Variants in BANK1 observed in about 807,000 individuals in gnomAD.
BANK1 encodes B-cell scaffold protein with ankyrin repeats.
Under a neutral mutation model 94.5 loss-of-function variants are expected in BANK1, and 95 were observed. That is an observed-to-expected ratio of 1.00 (90% CI 0.85 to 1.19). The LOEUF is 1.19. Ranked by LOEUF, BANK1 falls within the 50% of genes most tolerant of loss-of-function variation. The pLI is 0.00. For synonymous variants in BANK1, 334 were observed against 308.4 expected (o/e 1.08, Z -0.87); for missense variants, 987 against 932.2 (o/e 1.06, Z -0.77).
Position 101,934,351 on chromosome 4 carries a change from T to C in BANK1, c.1206+16162T>C, listed in dbSNP as rs139957401. On this transcript the variant is annotated intron_variant, in intron 7 of 16. Transcript: ENST00000322953. ...AGGGGCGTAGACTGAATTGTGTATG[T>C]GACCTTGACATACTAAGAAGCTACG... Among the ~76,000 whole-genome samples the C allele has an allele frequency of 3.4e-4, 51 of 151,564 alleles. No homozygotes were observed. In the East Asian group the frequency reaches 7.6e-3, roughly 23 times the overall value.
intron 7 of BANK1, among the ~76,000 whole-genome samples, chr4:102,010,949 G>C (rs1484436276): frequency 6.6e-6 from 1 of 152,098 alleles, no homozygotes; most frequent in Non-Finnish European, 1.5e-5. Flanking sequence ...AGATAACCCA[G>C]TGTTTCAATA....
intron 7 of BANK1, among the ~76,000 whole-genome samples, chr4:101,950,056 T>C (rs61167177): frequency 0.089 from 6,167 of 69,110 alleles, 165 homozygotes; most frequent in Middle Eastern, 0.13. Flanking sequence ...TGTGTGTGTG[T>C]GTGTGCGCGT....
At chr4:101,904,384 T>G (rs181262991) in intron 6 of BANK1, among the ~76,000 whole-genome samples, 276 of 152,344 alleles carry the variant, frequency 1.8e-3, no homozygotes, top group Non-Finnish European at 2.9e-3. Flanking sequence ...TGTGCCCATT[T>G]TCTAATTGTT....
At chr4:101,888,435 C>T (rs1341740541) in intron 5 of BANK1, among the ~76,000 whole-genome samples, 3 of 152,120 alleles carry the variant, frequency 2.0e-5, no homozygotes, top group Non-Finnish European at 4.4e-5. Context: ...CTCTTTCTGG[C>T]TAAACATCAG....
rs536361013 is a variant in BANK1, at chr4:102,052,531, G to A, written c.1970-7680G>A. Among the ~76,000 whole-genome samples, 12 of 152,156 alleles carry A rather than the reference G, an allele frequency of 7.9e-5. No homozygotes were observed. The South Asian group carries it at 2.5e-3, about 32-fold the overall frequency. On this transcript the variant is annotated intron_variant, in intron 11 of 16. Coordinates refer to ENST00000322953, the MANE Select transcript of BANK1 (RefSeq NM_017935.5). The stretch of plus-strand genomic sequence containing the variant: ...TCAGAATAATTATACTTCTGTTAAT[G>A]ATTTATTTATTTAATGAGTAAGGTT...
At chr4:101,808,302 T>C (rs937854226) in intron 1 of BANK1, among the ~76,000 whole-genome samples, 1 of 152,020 alleles carries the variant, frequency 6.6e-6, no homozygotes, top group South Asian at 2.1e-4. Flanking sequence ...AATAGAAAAA[T>C]ATGTAATATA....
chr4:101,961,005 G>A lies in BANK1; in HGVS notation c.1206+42816G>A, dbSNP rs116764113. ...TGACTTGAGAAGCAAGAGAAAAGGA[G>A]TTAATATTAGTCAGATGCTGAAAAT... On this transcript the variant is annotated intron_variant, in intron 7 of 16. Transcript: ENST00000322953. Among the ~76,000 whole-genome samples, 651 of 152,234 alleles carry A rather than the reference G, an allele frequency of 4.3e-3. 4 individuals carry two copies. Among genetic ancestry groups the A allele is most frequent in the African/African-American group, 0.015 (619 of 41,534 alleles).
intron 2 of BANK1, among the ~76,000 whole-genome samples, chr4:101,849,797 A>C (rs1218950762): frequency 6.6e-6 from 1 of 152,058 alleles, no homozygotes; most frequent in African/African-American, 2.4e-5. Context: ...GGCCGGAAAA[A>C]CTTCGTCATT....
chr4:101,947,299 ATATATATATATATG>A (rs143989903), intron 7 of BANK1, among the ~76,000 whole-genome samples: 47,365 of 130,456 alleles, frequency 0.36, 9,808 homozygotes, highest in Non-Finnish European at 0.47. Context: ...ATATATATAT[ATATATATATATATG>A]TATATGTATT....
At chr4:102,044,229 T>C (rs1727799832) in intron 11 of BANK1, among the ~76,000 whole-genome samples, 1 of 152,104 alleles carries the variant, frequency 6.6e-6, no homozygotes, top group South Asian at 2.1e-4. Flanking sequence ...CCCCTTCCTG[T>C]GTCCATGTGA....
chr4:102,006,419 C>T (rs1726263786), intron 7 of BANK1, among the ~76,000 whole-genome samples: 1 of 151,834 alleles, frequency 6.6e-6, no homozygotes, highest in African/African-American at 2.4e-5. Flanking sequence ...TAAAAGCTCC[C>T]CACATAAATT....
intron 7 of BANK1, among the ~76,000 whole-genome samples, chr4:101,978,181 C>T (rs983825009): frequency 1.3e-5 from 2 of 151,524 alleles, no homozygotes; most frequent in Non-Finnish European, 2.9e-5. Context: ...AACAATGAAA[C>T]TCTAATGATT....
chr4:101,805,898 A>T (rs28702708), intron 1 of BANK1, among the ~76,000 whole-genome samples: 4,937 of 151,976 alleles, frequency 0.032, 268 homozygotes, highest in African/African-American at 0.11. Context: ...TATGAAATTA[A>T]CTTTTAATCT....
chr4:101,936,665 C>T (rs1723572890), intron 7 of BANK1, among the ~76,000 whole-genome samples: 1 of 151,432 alleles, frequency 6.6e-6, no homozygotes, highest in Non-Finnish European at 1.5e-5. Context: ...TGAATAGCGA[C>T]TCCTCAAAAG....
At chr4:101,822,124 G>A (rs1003111685) in intron 1 of BANK1, among the ~76,000 whole-genome samples, 3 of 152,140 alleles carry the variant, frequency 2.0e-5, no homozygotes, top group Non-Finnish European at 4.4e-5. Flanking sequence ...GGAGGCCTAG[G>A]TGGGTGGATC....
chr4:101,936,028 CACAG>C (rs748481108), intron 7 of BANK1, among the ~76,000 whole-genome samples: 4 of 151,290 alleles, frequency 2.6e-5, no homozygotes, highest in Admixed American at 6.6e-5. Flanking sequence ...GTAAACCCCG[CACAG>C]ACAAACAAAG....
intron 5 of BANK1, among the ~76,000 whole-genome samples, chr4:101,884,862 A>C (rs190972018): frequency 3.3e-5 from 5 of 151,916 alleles, no homozygotes; most frequent in African/African-American, 1.2e-4. Flanking sequence ...CACACCTCCT[A>C]CTATCTCAAA....
intron 11 of BANK1, among the ~76,000 whole-genome samples, chr4:102,044,151 A>C (rs1228932433): frequency 6.6e-6 from 1 of 152,102 alleles, no homozygotes. Context: ...ATCTAGCATT[A>C]GGTATATCTC....
rs549635012 is a variant in BANK1 at position 101,892,529 on chromosome 4, A to G, written c.904-2776A>G. ...CAGATGCATGTATGCATGTATATGT[A>G]TATATATATATGTATATATTATGGA... On this transcript the variant is annotated intron_variant, in intron 5 of 16. Coordinates refer to ENST00000322953, the MANE Select transcript of BANK1 (RefSeq NM_017935.5). Among the ~76,000 whole-genome samples, 352 of 117,792 alleles carry G rather than the reference A, an allele frequency of 3.0e-3. 3 individuals carry two copies. Among genetic ancestry groups the G allele is most frequent in the African/African-American group, 0.015 (336 of 21,910 alleles). 77.3% of individuals were successfully genotyped at this position (117,792 alleles called of 152,430 possible).
Sources: gnomAD v4.1 joint callset for allele counts (sites outside exome capture counted in the v4.1 genomes callset) on GRCh38, gnomAD v4.1.1 for gene constraint, MANE v1.5 for transcripts, NCBI Gene and HGNC (gene_info 2026-07-23, HGNC 2026-07-21) for gene names.